Variants in FGD6 observed in about 807,000 individuals in gnomAD.
FGD6 encodes FYVE, RhoGEF and PH domain containing 6, also known as FYVE, RhoGEF and PH domain-containing protein 6.
In FGD6, 90 loss-of-function variants were observed where a neutral mutation model predicts 149.4. That is an observed-to-expected ratio of 0.60 (90% CI 0.51 to 0.72). The LOEUF (loss-of-function observed/expected upper bound fraction) is 0.72. Ranked by LOEUF, FGD6 falls within the 30% of genes least tolerant of loss-of-function variation. The probability of loss-of-function intolerance (pLI) is 0.00; values close to 1 mark genes in which losing one functional copy is unlikely to be tolerated. For synonymous variants in FGD6, 527 were observed against 584.0 expected (o/e 0.90, Z 1.41); for missense variants, 1,437 against 1,684.8 (o/e 0.85, Z 2.57).
chr12:95,180,740 G>A (rs1158662200), intron 2 of FGD6, among the ~76,000 whole-genome samples: 2 of 151,742 alleles, frequency 1.3e-5, no homozygotes, highest in Admixed American at 6.6e-5. Context: ...TTGTTATCAC[G>A]TGCATTTTTA....
At chr12:95,085,213 C>CA (rs1877820746) in intron 19 of FGD6, among the ~76,000 whole-genome samples, 2 of 118,106 alleles carry the variant, frequency 1.7e-5, no homozygotes, top group African/African-American at 6.2e-5. Flanking sequence ...ACAGCTCTGC[C>CA]TTTTTTTTTT....
chr12:95,143,903 CCTTTCTT>C (rs1405997726), intron 5 of FGD6, among the ~76,000 whole-genome samples: 1 of 152,168 alleles, frequency 6.6e-6, no homozygotes, highest in Non-Finnish European at 1.5e-5. Flanking sequence ...TAAGCGCCAC[CCTTTCTT>C]CTGGTGGAGT....
At chr12:95,189,988 A>G (rs570836760) in intron 2 of FGD6, among the ~76,000 whole-genome samples, 86 of 152,312 alleles carry the variant, frequency 5.6e-4, no homozygotes, top group African/African-American at 1.9e-3. Flanking sequence ...ATGGTGCTCC[A>G]CACACAGTGA....
intron 3 of FGD6, among the ~76,000 whole-genome samples, chr12:95,159,649 C>G (rs1281411350): frequency 6.6e-6 from 1 of 152,064 alleles, no homozygotes; most frequent in Non-Finnish European, 1.5e-5. Flanking sequence ...ACCTGGGCAA[C>G]AGGGTAAAAC....
At chr12:95,126,730 CAAA>C (rs66512721) in intron 8 of FGD6, among the ~76,000 whole-genome samples, 157 of 127,368 alleles carry the variant, frequency 1.2e-3, no homozygotes, top group Middle Eastern at 3.8e-3. Context: ...GACTCAGTCT[CAAA>C]AAAAAAAAAA....
intron 1 of FGD6, 110 bp from the exon 2 acceptor site, chr12:95,211,377 CTGAG>C (rs2056726393): frequency 2.3e-6 from 3 of 1,298,152 alleles, no homozygotes; most frequent in East Asian, 4.9e-5. Flanking sequence ...TTGCCTTTTA[CTGAG>C]TATGTTACAT....
At chr12:95,118,348 C>CA (rs758125277) in intron 8 of FGD6, among the ~76,000 whole-genome samples, 42,882 of 121,960 alleles carry the variant, frequency 0.35, 6,941 homozygotes, top group Middle Eastern at 0.44. Context: ...GACTCTGTCT[C>CA]AAAAAAAAAA....
intron 5 of FGD6, among the ~76,000 whole-genome samples, chr12:95,149,716 C>T (rs1457564753): frequency 1.4e-5 from 2 of 142,732 alleles, no homozygotes; most frequent in African/African-American, 2.6e-5. Flanking sequence ...AGCTTATTGT[C>T]ATTTCATATA....
At chr12:95,195,901 TA>T (rs1881724434) in intron 2 of FGD6, among the ~76,000 whole-genome samples, 1 of 151,250 alleles carries the variant, frequency 6.6e-6, no homozygotes, top group Admixed American at 6.6e-5. Context: ...TGAGTACAAG[TA>T]AAACCGGGGG....
At chr12:95,096,877 C>T (rs1440887128) in intron 14 of FGD6, among the ~76,000 whole-genome samples, 1 of 152,206 alleles carries the variant, frequency 6.6e-6, no homozygotes, top group Non-Finnish European at 1.5e-5. Flanking sequence ...CTCAGGGTTC[C>T]AAGCAAACAT....
intron 5 of FGD6, among the ~76,000 whole-genome samples, chr12:95,145,962 C>T (rs900619463): frequency 2.0e-5 from 3 of 152,218 alleles, no homozygotes; most frequent in Non-Finnish European, 2.9e-5. Flanking sequence ...GCACGAGCCA[C>T]TGCGCCAGGC....
At chr12:95,163,803 G>A (rs1004700918) in intron 3 of FGD6, among the ~76,000 whole-genome samples, 3 of 152,052 alleles carry the variant, frequency 2.0e-5, no homozygotes, top group Non-Finnish European at 4.4e-5. Context: ...AAGCTACAGA[G>A]CTAAATAAAG....
Position 95,217,377 on chromosome 12 carries a change from C to G in FGD6, c.-137G>C, listed in dbSNP as rs1251804489. On this transcript the variant is annotated 5_prime_UTR_variant, in exon 1 of 21. Coordinates refer to ENST00000343958, the MANE Select transcript of FGD6 (RefSeq NM_018351.4). ...TCCGTCCCGCCGCCCCGCGGCGCAG[C>G]CTGAGCGCCACACAAAGGACGCGGC... is the stretch of plus-strand genomic sequence containing the variant. 1 of 1,315,234 alleles carries G rather than the reference C, an allele frequency of 7.6e-7. No homozygotes were observed. The highest frequency in any genetic ancestry group is 3.0e-5 in the East Asian group (1 of 33,034). 81.5% of individuals were successfully genotyped at this position (1,315,234 alleles called of 1,614,324 possible). A position where few individuals can be genotyped will look rare whatever the true frequency, so the allele number is the denominator to read the frequency against.
chr12:95,163,579 T>TA (rs1880709395), intron 3 of FGD6, among the ~76,000 whole-genome samples: 1 of 152,206 alleles, frequency 6.6e-6, no homozygotes, highest in East Asian at 1.9e-4. Flanking sequence ...TAAGCAAATG[T>TA]GTATAAGGAT....
At chr12:95,141,299 T>G (rs574336595) in intron 6 of FGD6, 89 bp downstream of exon 6, 1 of 1,312,262 alleles carries the variant, frequency 7.6e-7, no homozygotes, top group East Asian at 2.3e-5. Context: ...CTCAATGTAA[T>G]GAAAATATAT....
intron 2 of FGD6, among the ~76,000 whole-genome samples, chr12:95,186,969 G>C (rs1225643010): frequency 6.6e-6 from 1 of 152,104 alleles, no homozygotes; most frequent in African/African-American, 2.4e-5. Context: ...ACAATGCCTG[G>C]TACACAGAAA....
rs1419145791 is a variant in FGD6, at chr12:95,210,249, G to A, written c.1035C>T (p.Asp345=). The change falls in exon 2 of 21, where the codon GAC becomes GAT. Residue 345 remains aspartate (D), a synonymous_variant. Transcript: ENST00000343958. ...TTTCAGTAAGACAGGAAGAGCTACT[G>A]TCTGAATTCCCCGGTTCTTCAGTGC... ...SESTEEPGNS[D]SSSSCLTENS... 25 of 1,614,040 alleles carry A rather than the reference G, an allele frequency of 1.5e-5. No individual in the cohort carries two copies. The highest frequency in any genetic ancestry group is 2.1e-5 in the Non-Finnish European group (25 of 1,180,042).
In FGD6 at chr12:95,153,912, CGTGT is replaced by C. The variant is rs754945627; in HGVS notation, c.2587-923_2587-920del. ...TATGCTAAGGAGCTGAAATGAAATT[CGTGT>C]GTGTGTGTGTGTGTGTGTGTGTGTG... On this transcript the variant is annotated intron_variant, in intron 3 of 20. Transcript: ENST00000343958. 6.8e-3 allele frequency among the ~76,000 whole-genome samples: 957 copies of C among 141,404 alleles called. 35 individuals are homozygous for C. In the East Asian group the frequency reaches 0.13, roughly 20 times the overall value. The allele number at this position is 141,404 out of a possible 152,430, so 92.8% of individuals were successfully genotyped here.
At chr12:95,084,024 G>A (rs1039825299) in intron 20 of FGD6, among the ~76,000 whole-genome samples, 19 of 152,156 alleles carry the variant, frequency 1.2e-4, no homozygotes, top group Non-Finnish European at 2.8e-4. Flanking sequence ...CTCAGTCACT[G>A]GAACAGCATG....
Sources: gnomAD v4.1 joint callset for allele counts (sites outside exome capture counted in the v4.1 genomes callset) on GRCh38, gnomAD v4.1.1 for gene constraint, MANE v1.5 for transcripts, NCBI Gene and HGNC (gene_info 2026-07-23, HGNC 2026-07-21) for gene names.